SLC22A23: variants seen among roughly 807,000 people sequenced by gnomAD.
SLC22A23 encodes solute carrier family 22 member 23, also known as ion transporter protein.
In SLC22A23, 26 loss-of-function variants were observed where a neutral mutation model predicts 61.0. The observed-to-expected ratio is 0.43, with a 90% CI of 0.31 to 0.59. The LOEUF (loss-of-function observed/expected upper bound fraction) is 0.59, where lower values mean the gene tolerates loss of function less well. Ranked by LOEUF, SLC22A23 falls within the 20% of genes least tolerant of loss-of-function variation. SLC22A23 has a pLI of 0.11. For missense variants in SLC22A23, 796 were observed against 934.7 expected (o/e 0.85, Z 1.94); for synonymous variants, 430 against 413.9 (o/e 1.04, Z -0.47).
At chr6:3,398,308 G>C (rs1455978611) in intron 3 of SLC22A23, among the ~76,000 whole-genome samples, 1 of 152,026 alleles carries the variant, frequency 6.6e-6, no homozygotes, top group Non-Finnish European at 1.5e-5. Flanking sequence ...GGTTTGGAGG[G>C]AGTTCTGAGC....
At chr6:3,412,414 G>A (rs1034082780) in intron 2 of SLC22A23, among the ~76,000 whole-genome samples, 3 of 152,250 alleles carry the variant, frequency 2.0e-5, no homozygotes, top group Admixed American at 1.3e-4. Context: ...GCCAATTAAT[G>A]TCTGCTTCAT....
At chr6:3,301,813 G>A (rs1302377097) in intron 4 of SLC22A23, among the ~76,000 whole-genome samples, 1 of 152,248 alleles carries the variant, frequency 6.6e-6, no homozygotes, top group African/African-American at 2.4e-5. Flanking sequence ...ACAGGGTGGG[G>A]AGAACCGCGG....
intron 3 of SLC22A23, among the ~76,000 whole-genome samples, chr6:3,357,079 A>G (rs977673240): frequency 8.4e-6 from 1 of 119,342 alleles, no homozygotes; most frequent in Admixed American, 7.9e-5. Flanking sequence ...AAAAAAAAAA[A>G]AAAAACCCAA....
At chr6:3,440,928 C>T (rs182834021) in intron 1 of SLC22A23, among the ~76,000 whole-genome samples, 118 of 152,326 alleles carry the variant, frequency 7.7e-4, no homozygotes, top group African/African-American at 2.6e-3. Context: ...GCCCTAGAAA[C>T]TCACCCAGGG....
At chr6:3,285,910 G>A (rs550013436) in intron 7 of SLC22A23, among the ~76,000 whole-genome samples, 15 of 152,274 alleles carry the variant, frequency 9.9e-5, no homozygotes, top group African/African-American at 3.6e-4. Flanking sequence ...GCAGTGTCCT[G>A]AGCCTGTCCC....
chr6:3,365,325 AAAACAAAC>A (rs746942908), intron 3 of SLC22A23, among the ~76,000 whole-genome samples: 1 of 152,172 alleles, frequency 6.6e-6, no homozygotes, highest in Admixed American at 6.6e-5. Context: ...CTGTCTCGAA[AAAACAAAC>A]AAACAAACAA....
At chr6:3,399,763 T>C (rs1768253391) in intron 3 of SLC22A23, among the ~76,000 whole-genome samples, 1 of 152,240 alleles carries the variant, frequency 6.6e-6, no homozygotes, top group African/African-American at 2.4e-5. Flanking sequence ...GAGTGATGGA[T>C]ACTCAGGGAG....
chr6:3,314,761 G>GT (rs1337686432), intron 4 of SLC22A23, among the ~76,000 whole-genome samples: 1 of 152,026 alleles, frequency 6.6e-6, no homozygotes, highest in African/African-American at 2.4e-5. Context: ...TAGCATGTCT[G>GT]TTTTTTTCTA....
rs967205948 is a variant in SLC22A23, at chr6:3,299,111, C to T, written c.1083-893G>A. Among the ~76,000 whole-genome samples the T allele has an allele frequency of 5.3e-5, 8 of 151,890 alleles. No individual in the cohort carries two copies. The East Asian group carries it at 1.2e-3, about 22-fold the overall frequency. ...TCACTGTGTACCCCATAAATATGTA[C>T]GATTACTATGTGTCAATTACAAAAA... is the stretch of plus-strand genomic sequence containing the variant. On this transcript the variant is annotated intron_variant, in intron 4 of 9. Transcript: ENST00000406686.
At chr6:3,437,785 T>C (rs1225044418) in intron 1 of SLC22A23, among the ~76,000 whole-genome samples, 1 of 150,204 alleles carries the variant, frequency 6.7e-6, no homozygotes, top group Non-Finnish European at 1.5e-5. Flanking sequence ...TTTGCTCTTG[T>C]TGCCCAGGCT....
chr6:3,364,719 C>T (rs921967989), intron 3 of SLC22A23, among the ~76,000 whole-genome samples: 4 of 152,216 alleles, frequency 2.6e-5, no homozygotes, highest in African/African-American at 9.6e-5. Flanking sequence ...AGGCACCTGA[C>T]AGGAGAAGCG....
intron 1 of SLC22A23, among the ~76,000 whole-genome samples, chr6:3,451,648 A>G (rs568856358): frequency 1.3e-5 from 2 of 152,212 alleles, no homozygotes; most frequent in South Asian, 2.1e-4. Context: ...AAGCAAGCCA[A>G]CTGAGCTGAG....
At chr6:3,439,236 GACA>G (rs1481986290) in intron 1 of SLC22A23, 3 of 403,554 alleles carry the variant, frequency 7.4e-6, no homozygotes, top group South Asian at 3.7e-5. Context: ...CCAAAGGTGT[GACA>G]ACAACGACAA....
intron 3 of SLC22A23, among the ~76,000 whole-genome samples, chr6:3,336,068 G>T (rs1011961216): frequency 6.7e-6 from 1 of 148,336 alleles, no homozygotes; most frequent in Non-Finnish European, 1.5e-5. Flanking sequence ...CGGCCTGGGC[G>T]AAAGAGCGAG....
At position 3,390,698 on chromosome 6, in the gene SLC22A23, T is replaced by A. The variant is rs938223485; in HGVS notation, c.913+19490A>T. ...ACCAAAAGCTGGCTGCCACTCAGCA[T>A]CTCTGAGCCTGGTATGTATCAGTGG... On this transcript the variant is annotated intron_variant, in intron 3 of 9. Coordinates refer to ENST00000406686, the MANE Select transcript of SLC22A23 (RefSeq NM_015482.2). This position sits in a 1 kb window ranked among gnomAD's most constrained non-coding sequence, Gnocchi z 4.0. Among the ~76,000 whole-genome samples the A allele has an allele frequency of 3.3e-5, 5 of 152,342 alleles. No homozygotes were observed. The East Asian group carries it at 9.6e-4, about 29-fold the overall frequency.
Position 3,309,908 on chromosome 6 carries a change from A to T in SLC22A23, c.1083-11690T>A, listed in dbSNP as rs1762252434. On this transcript the variant is annotated intron_variant, in intron 4 of 9. Transcript: ENST00000406686. The surrounding 1 kb of genome is among the most constrained non-coding windows in gnomAD (Gnocchi z 4.7). ...CTGCCTGGGGCTTCATGAATGGCAG[A>T]GGCAGGCCTGGAACCTGGGACTTAA... is the stretch of plus-strand genomic sequence containing the variant. Among the ~76,000 whole-genome samples the T allele has an allele frequency of 6.6e-6, 1 of 152,208 alleles. No homozygotes were observed. The highest frequency in any genetic ancestry group is 6.5e-5 in the Admixed American group (1 of 15,288).
intron 1 of SLC22A23, among the ~76,000 whole-genome samples, chr6:3,436,986 T>C (rs570105432): frequency 2.6e-5 from 4 of 152,342 alleles, no homozygotes; most frequent in African/African-American, 9.6e-5. Context: ...AGATGATCCA[T>C]ACATCCTCAG....
rs1459411530 is a variant in SLC22A23, at chr6:3,438,563, A to G, written c.654+17343T>C. On this transcript the variant is annotated intron_variant, in intron 1 of 9. Coordinates refer to ENST00000406686, the MANE Select transcript of SLC22A23 (RefSeq NM_015482.2). ...TTCCTGCTGCTGACAACACTATAAA[A>G]CCACCGTAATAGGAATTAATTATGG... 1.5e-5 allele frequency: 7 copies of G among 455,834 alleles called. No homozygotes were observed. In the East Asian group the frequency reaches 4.9e-4, roughly 32 times the overall value. The allele number at this position is 455,834 out of a possible 1,614,324, so 28.2% of individuals were successfully genotyped here. A position where few individuals can be genotyped will look rare whatever the true frequency, so the allele number is the denominator to read the frequency against.
At chr6:3,313,045 A>G (rs914545980) in intron 4 of SLC22A23, 5 of 152,182 alleles carry the variant, frequency 3.3e-5, no homozygotes, top group Admixed American at 1.3e-4. Flanking sequence ...CCTCCAGAGC[A>G]GAGGCTCAGT....
Sources: gnomAD v4.1 joint callset for allele counts (sites outside exome capture counted in the v4.1 genomes callset) on GRCh38, gnomAD v4.1.1 for gene constraint, Gnocchi (gnomAD v3.1) non-coding constraint, MANE v1.5 for transcripts, NCBI Gene and HGNC (gene_info 2026-07-23, HGNC 2026-07-21) for gene names.